The following ASIC2 variants were observed in gnomAD, a reference collection of about 807,000 sequenced individuals.
ASIC2 encodes the protein acid sensing ion channel subunit 2.
ASIC2 carries 25 observed loss-of-function variants against 57.3 expected under a neutral mutation model. The ratio of observed to expected loss-of-function variants is 0.44; its 90% CI spans 0.32 to 0.61. ASIC2 has a LOEUF of 0.61. Among genes scored for constraint, ASIC2 ranks in the 20% least tolerant of loss-of-function variants. ASIC2 has a pLI of 0.06. For missense variants in ASIC2, 641 were observed against 738.1 expected, an observed-to-expected ratio of 0.87 and a Z score of 1.52; for synonymous variants, 319 against 307.5, an observed-to-expected ratio of 1.04 and a Z score of -0.39.
In ASIC2 at chr17:33,827,337, C is replaced by CTTTTTTTTTTTTTTTTTTTTTTTTTTTT. The variant is rs375695905; in HGVS notation, c.555+328640_555+328641insAAAAAAAAAAAAAAAAAAAAAAAAAAAA. On this transcript the variant is annotated intron_variant, in intron 1 of 9. Transcript: ENST00000359872. ...GGACTAGGTCCTGTTGCAGCTCACT[C>CTTTTTTTTTTTTTTTTTTTTTTTTTTTT]TTTTTTTTTTTTGAGACAGAGTCTT... Among the ~76,000 whole-genome samples the CTTTTTTTTTTTTTTTTTTTTTTTTTTTT allele has an allele frequency of 5.5e-3, 424 of 76,432 alleles. 134 individuals carry two copies. The highest frequency in any genetic ancestry group is 0.028 in the Middle Eastern group (3 of 108). The allele number at this position is 76,432 out of a possible 152,430, so 50.1% of individuals were successfully genotyped here. A position where few individuals can be genotyped will look rare whatever the true frequency, so the allele number is the denominator to read the frequency against.
At chr17:33,777,278 AATGG>A (rs1911312198) in intron 1 of ASIC2, among the ~76,000 whole-genome samples, 1 of 150,980 alleles carries the variant, frequency 6.6e-6, no homozygotes. Context: ...TGAATGAATG[AATGG>A]GGAAAAAGAG....
intron 1 of ASIC2, among the ~76,000 whole-genome samples, chr17:33,136,997 C>A (rs899832387): frequency 6.6e-6 from 1 of 152,208 alleles, no homozygotes; most frequent in African/African-American, 2.4e-5. Flanking sequence ...CTGTCTCTAT[C>A]TACCATCACA....
At chr17:33,731,119 G>A (rs1447966883) in intron 1 of ASIC2, among the ~76,000 whole-genome samples, 2 of 152,208 alleles carry the variant, frequency 1.3e-5, no homozygotes, top group Non-Finnish European at 2.9e-5. Flanking sequence ...CTCATAGCAT[G>A]AGGGCACAGG....
intron 1 of ASIC2, among the ~76,000 whole-genome samples, chr17:34,081,355 T>C (rs1385848309): frequency 6.6e-6 from 1 of 152,158 alleles, no homozygotes; most frequent in East Asian, 1.9e-4. Context: ...TAGATATCCT[T>C]AGAAGTGATA....
At chr17:33,787,963 A>G (rs569639531) in intron 1 of ASIC2, among the ~76,000 whole-genome samples, 14 of 152,350 alleles carry the variant, frequency 9.2e-5, no homozygotes, top group African/African-American at 3.1e-4. Flanking sequence ...AAACCCTAGA[A>G]GAAAACGTAG....
At chr17:33,456,793 G>A (rs1203223421) in intron 1 of ASIC2, among the ~76,000 whole-genome samples, 4 of 152,168 alleles carry the variant, frequency 2.6e-5, no homozygotes, top group African/African-American at 4.8e-5. Context: ...TCAGACAAAC[G>A]TCCTTTCAAA....
At position 34,109,077 on chromosome 17, in the gene ASIC2, C is replaced by T. The variant is rs939614120; in HGVS notation, c.555+46901G>A. Among the ~76,000 whole-genome samples the T allele has an allele frequency of 4.0e-5, 6 of 149,716 alleles. No individual in the cohort carries two copies. In the South Asian group the frequency reaches 1.3e-3, roughly 31 times the overall value. On this transcript the variant is annotated intron_variant, in intron 1 of 9. Transcript: ENST00000359872. ...TTTATTTTATTTTATTATTATTATA[C>T]TTTAAGTTTTAGGGTATTTTGTCTA... is the stretch of plus-strand genomic sequence containing the variant.
At chr17:34,009,868 G>T (rs1028790537) in intron 1 of ASIC2, among the ~76,000 whole-genome samples, 1 of 152,150 alleles carries the variant, frequency 6.6e-6, no homozygotes, top group African/African-American at 2.4e-5. Context: ...GTGAGGTCAG[G>T]GCAGTAACGG....
intron 1 of ASIC2, among the ~76,000 whole-genome samples, chr17:34,102,062 C>T (rs1249229107): frequency 2.0e-5 from 3 of 152,118 alleles, no homozygotes; most frequent in Admixed American, 6.6e-5. Flanking sequence ...GTAATCCCAA[C>T]AATATGGGAG....
intron 1 of ASIC2, among the ~76,000 whole-genome samples, chr17:33,574,631 C>G (rs1916559486): frequency 6.6e-6 from 1 of 152,212 alleles, no homozygotes; most frequent in Non-Finnish European, 1.5e-5. Context: ...GGGAGTAAAA[C>G]TGCCCTCAGT....
At chr17:33,902,993 A>C (rs1412308919) in intron 1 of ASIC2, among the ~76,000 whole-genome samples, 1 of 152,184 alleles carries the variant, frequency 6.6e-6, no homozygotes, top group Non-Finnish European at 1.5e-5. Flanking sequence ...TTTCAAAAAT[A>C]ATAAATGTGA....
At chr17:33,097,604 C>T (rs542817140) in intron 2 of ASIC2, among the ~76,000 whole-genome samples, 10 of 152,332 alleles carry the variant, frequency 6.6e-5, no homozygotes, top group Admixed American at 6.5e-4. Context: ...TCTCTAGATT[C>T]CTCACCCTCC....
At chr17:34,056,369 A>T (rs868159560) in intron 1 of ASIC2, among the ~76,000 whole-genome samples, 1 of 152,128 alleles carries the variant, frequency 6.6e-6, no homozygotes, top group African/African-American at 2.4e-5. Context: ...ATACCTCAAC[A>T]TCTTGTGGAG....
chr17:33,903,388 G>A (rs1567751545), intron 1 of ASIC2, among the ~76,000 whole-genome samples: 1 of 152,120 alleles, frequency 6.6e-6, no homozygotes. Context: ...TCCAAAATGT[G>A]TTTTATAGCT....
chr17:33,124,383 G>A lies in ASIC2; in HGVS notation c.709-12316C>T, dbSNP rs1238580558. Among the ~76,000 whole-genome samples the A allele has an allele frequency of 2.0e-5, 3 of 152,150 alleles. No homozygotes were observed. In the South Asian group the frequency reaches 6.2e-4, roughly 32 times the overall value. On this transcript the variant is annotated intron_variant, in intron 1 of 9. Transcript: ENST00000225823. ...CTGGGAGATACACAGCATGCATGAT[G>A]CCACTCTCCTTTCTAGATCTGTAAC...
chr17:33,614,909 A>G (rs1396056614), intron 1 of ASIC2, among the ~76,000 whole-genome samples: 5 of 152,232 alleles, frequency 3.3e-5, no homozygotes, highest in South Asian at 2.1e-4. Flanking sequence ...TTTATTCTCA[A>G]GACCTCAATT....
chr17:34,032,069 C>T (rs1907639433), intron 1 of ASIC2, among the ~76,000 whole-genome samples: 1 of 152,014 alleles, frequency 6.6e-6, no homozygotes, highest in African/African-American at 2.4e-5. Flanking sequence ...GTCAGATGAA[C>T]CAAAGTTGGA....
intron 1 of ASIC2, among the ~76,000 whole-genome samples, chr17:33,348,331 T>C (rs1811252787): frequency 2.0e-5 from 3 of 151,928 alleles, no homozygotes; most frequent in Admixed American, 1.3e-4. Context: ...GAACTCTGCG[T>C]GTGTATGTGT....
intron 1 of ASIC2, among the ~76,000 whole-genome samples, chr17:33,665,333 C>CA (rs1487953419): frequency 1.3e-5 from 2 of 152,002 alleles, no homozygotes; most frequent in African/African-American, 4.8e-5. Context: ...TGTCGAATTC[C>CA]AATTCTGTAG....
Sources: allele counts gnomAD v4.1 joint callset (sites outside exome capture counted in the v4.1 genomes callset), GRCh38; gene constraint gnomAD v4.1.1; transcripts MANE v1.5; gene names NCBI Gene and HGNC (gene_info 2026-07-23, HGNC 2026-07-21).